The following SGCD variants were observed in gnomAD, a reference collection of about 807,000 sequenced individuals.
SGCD encodes the protein sarcoglycan delta.
Under a neutral mutation model 36.6 loss-of-function variants are expected in SGCD, and 18 were observed. That is an observed-to-expected ratio of 0.49 (90% CI 0.34 to 0.73). The LOEUF is 0.73. Ranked by LOEUF, SGCD falls within the 30% of genes least tolerant of loss-of-function variation. The pLI, the probability that SGCD is intolerant of heterozygous loss-of-function variation, is 0.01. For missense variants in SGCD, 387 were observed against 346.7 expected, an observed-to-expected ratio of 1.12 and a Z score of -0.92; for synonymous variants, 133 against 130.6, an observed-to-expected ratio of 1.02 and a Z score of -0.12.
chr5:156,243,464 A>C (rs1765355946), intron 3 of SGCD, among the ~76,000 whole-genome samples: 1 of 152,210 alleles, frequency 6.6e-6, no homozygotes, highest in Non-Finnish European at 1.5e-5. Flanking sequence ...AGGAGTAAAA[A>C]ATATGGAAAA....
intron 3 of SGCD, among the ~76,000 whole-genome samples, chr5:156,450,774 C>A (rs980512787): frequency 6.6e-6 from 1 of 151,924 alleles, no homozygotes. Flanking sequence ...GAGGAGGTAG[C>A]TGGAACTTAA....
intron 3 of SGCD, among the ~76,000 whole-genome samples, chr5:156,285,163 G>T (rs905450626): frequency 3.3e-5 from 5 of 152,140 alleles, no homozygotes; most frequent in African/African-American, 1.2e-4. Context: ...ACTGCTCAAT[G>T]AAATAAAAGA....
Position 156,074,539 on chromosome 5 carries a change from G to A in SGCD, c.-281-43339G>A, listed in dbSNP as rs1436084401. 4.6e-5 allele frequency among the ~76,000 whole-genome samples: 7 copies of A among 152,084 alleles called. No homozygotes were observed. The East Asian group carries it at 5.8e-4, about 13-fold the overall frequency. On this transcript the variant is annotated intron_variant, in intron 1 of 9. Transcript: ENST00000517913. The stretch of plus-strand genomic sequence containing the variant: ...TCTACTAAAAATATAAAAATTAGCC[G>A]GGCGTGGTGGCATGCCTGTAGTCCG...
At chr5:156,537,459 CCACACACACACA>C (rs769070218) in intron 4 of SGCD, among the ~76,000 whole-genome samples, 1,633 of 125,882 alleles carry the variant, frequency 0.013, 19 homozygotes, top group Middle Eastern at 0.031. Flanking sequence ...AAGGTAGCAG[CCACACACACACA>C]CACACACACA....
chr5:156,705,412 G>T (rs2113739701), intron 7 of SGCD, among the ~76,000 whole-genome samples: 1 of 152,194 alleles, frequency 6.6e-6, no homozygotes, highest in Non-Finnish European at 1.5e-5. Flanking sequence ...CTTCTAACCA[G>T]AAACTTTAAC....
chr5:156,009,920 A>T (rs1185932239), intron 1 of SGCD, among the ~76,000 whole-genome samples: 1 of 152,216 alleles, frequency 6.6e-6, no homozygotes, highest in Non-Finnish European at 1.5e-5. Flanking sequence ...ATAAAAAGCT[A>T]AGCATCAACA....
In SGCD at chr5:156,765,947, G is replaced by C. The variant is rs1757579605; in HGVS notation, c.*6557G>C. 1 of 151,310 alleles carries C rather than the reference G, an allele frequency of 6.6e-6. No individual in the cohort carries two copies. Among genetic ancestry groups the C allele is most frequent in the African/African-American group, 2.4e-5 (1 of 41,076 alleles). 9.4% of individuals were successfully genotyped at this position (151,310 alleles called of 1,614,324 possible). A position where few individuals can be genotyped will look rare whatever the true frequency, so the allele number is the denominator to read the frequency against. ...CTATACTAAAGTATAGATACCTAAGGGGAAAATATAGAAAGCCTGCCTGAA... is the reference window on the plus strand; with the variant it reads ...CTATACTAAAGTATAGATACCTAAGCGGAAAATATAGAAAGCCTGCCTGAA... On this transcript the variant is annotated 3_prime_UTR_variant, in exon 9 of 9. Coordinates refer to ENST00000337851, the MANE Select transcript of SGCD (RefSeq NM_000337.6).
chr5:156,164,181 GC>G (rs1414325441), intron 3 of SGCD, among the ~76,000 whole-genome samples: 1 of 151,436 alleles, frequency 6.6e-6, no homozygotes, highest in Non-Finnish European at 1.5e-5. Flanking sequence ...TTTAAATATA[GC>G]CACATAGTCA....
chr5:155,757,731 C>T, the SGCD span, among the ~76,000 whole-genome samples: 6 of 152,174 alleles, frequency 3.9e-5, no homozygotes, highest in Non-Finnish European at 8.8e-5. Flanking sequence ...GCTGTATGGA[C>T]TTGCATGGCT....
Position 156,647,444 on chromosome 5 carries a change from CT to C in SGCD, c.503-16del, listed in dbSNP as rs1561835980. The C allele has an allele frequency of 1.3e-6, 2 of 1,556,122 alleles. No homozygotes were observed. The highest frequency in any genetic ancestry group is 1.9e-5 in the Admixed American group (1 of 53,218). On this transcript the variant is annotated intron_variant, in intron 6 of 8. Coordinates refer to ENST00000337851, the MANE Select transcript of SGCD (RefSeq NM_000337.6). Reference sequence around the variant, plus strand: ...CTCCAGTATCTCCAATCTCTGTTTGCTTTTCTGTTTTGTTTACAGGAGCGGA... The same window carrying C: ...CTCCAGTATCTCCAATCTCTGTTTGCTTTCTGTTTTGTTTACAGGAGCGGA...
At chr5:155,819,604 G>T in the SGCD span, among the ~76,000 whole-genome samples, 1 of 152,154 alleles carries the variant, frequency 6.6e-6, no homozygotes, top group African/African-American at 2.4e-5. Context: ...GAATGCTGAG[G>T]TATAGATATA....
intron 4 of SGCD, among the ~76,000 whole-genome samples, chr5:156,542,259 TAA>T (rs35783917): frequency 3.3e-5 from 5 of 151,810 alleles, no homozygotes; most frequent in African/African-American, 1.2e-4. Flanking sequence ...GTATTAACTT[TAA>T]AAAAAATTAT....
intron 3 of SGCD, among the ~76,000 whole-genome samples, chr5:156,135,005 T>A (rs1762421409): frequency 6.6e-6 from 1 of 152,104 alleles, no homozygotes; most frequent in Non-Finnish European, 1.5e-5. Context: ...TACAAGTCAG[T>A]CTCCCTCAAT....
At chr5:155,880,900 C>A (rs1381192131) in intron 1 of SGCD, among the ~76,000 whole-genome samples, 1 of 152,078 alleles carries the variant, frequency 6.6e-6, no homozygotes, top group Non-Finnish European at 1.5e-5. Context: ...CAAAATTTTA[C>A]TTCCATTTGA....
At chr5:156,095,560 C>T (rs1026962163) in intron 1 of SGCD, among the ~76,000 whole-genome samples, 3 of 152,172 alleles carry the variant, frequency 2.0e-5, no homozygotes, top group South Asian at 4.2e-4. Context: ...GAGTCTGGAA[C>T]GGTTATGAGA....
chr5:156,152,057 T>C (rs912302810), intron 3 of SGCD, among the ~76,000 whole-genome samples: 8 of 151,448 alleles, frequency 5.3e-5, no homozygotes, highest in Non-Finnish European at 1.2e-4. Context: ...GGGAGATACT[T>C]TTTTGAAAAT....
At chr5:156,747,399 T>A (rs572990906) in intron 7 of SGCD, among the ~76,000 whole-genome samples, 36 of 152,328 alleles carry the variant, frequency 2.4e-4, no homozygotes, top group African/African-American at 8.2e-4. Flanking sequence ...GATTCAAGAC[T>A]TTTTTATGAG....
At chr5:156,176,037 A>G (rs1192173523) in intron 3 of SGCD, among the ~76,000 whole-genome samples, 1 of 152,018 alleles carries the variant, frequency 6.6e-6, no homozygotes, top group Non-Finnish European at 1.5e-5. Context: ...GATTAATGGC[A>G]TTCAGAAAGT....
chr5:156,458,180 C>A (rs1178947602), intron 3 of SGCD, among the ~76,000 whole-genome samples: 2 of 152,152 alleles, frequency 1.3e-5, no homozygotes, highest in Non-Finnish European at 2.9e-5. Context: ...GGCAGGCAGG[C>A]ACACAGGCCA....
Sources: allele counts gnomAD v4.1 joint callset (sites outside exome capture counted in the v4.1 genomes callset), GRCh38; gene constraint gnomAD v4.1.1; transcripts MANE v1.5; gene names NCBI Gene and HGNC (gene_info 2026-07-23, HGNC 2026-07-21).